The following FCER1G variants were observed in gnomAD, a reference collection of about 807,000 sequenced individuals.
FCER1G encodes the protein Fc epsilon receptor Ig, also known as high affinity immunoglobulin epsilon receptor subunit gamma.
Under a neutral mutation model 17.3 loss-of-function variants are expected in FCER1G, and 7 were observed. The observed-to-expected ratio is 0.40, with a 90% CI of 0.23 to 0.76. The LOEUF (loss-of-function observed/expected upper bound fraction) is 0.76, where lower values mean the gene tolerates loss of function less well. Among genes scored for constraint, FCER1G ranks in the 30% least tolerant of loss-of-function variants. The pLI, the probability that FCER1G is intolerant of heterozygous loss-of-function variation, is 0.35. For synonymous variants in FCER1G, 35 were observed against 38.7 expected, an observed-to-expected ratio of 0.90 and a Z score of 0.35; for missense variants, 87 against 97.7, an observed-to-expected ratio of 0.89 and a Z score of 0.46.
intron 3 of FCER1G, 49 bp from the exon 4 acceptor site, chr1:161,218,654 C>G (rs1453148003): frequency 8.1e-6 from 13 of 1,609,980 alleles, no homozygotes; most frequent in Non-Finnish European, 1.1e-5. Context: ...GCTGAGGGGC[C>G]CTGGAGAAAG....
intron 1 of FCER1G, among the ~76,000 whole-genome samples, chr1:161,216,419 T>TAGAGAGAG (rs1188468786): frequency 1.4e-5 from 2 of 142,486 alleles, no homozygotes; most frequent in East Asian, 4.7e-4. Flanking sequence ...CACATATATA[T>TAGAGAGAG]ATATATATAG....
At chr1:161,216,385 C>CACAT (rs1666049911) in intron 1 of FCER1G, among the ~76,000 whole-genome samples, 1 of 131,906 alleles carries the variant, frequency 7.6e-6, no homozygotes, top group African/African-American at 2.8e-5. Context: ...CATACACACA[C>CACAT]ACACACACAC....
intron 2 of FCER1G, 25 bp downstream of exon 2, chr1:161,218,102 G>A: frequency 6.3e-7 from 1 of 1,578,758 alleles, no homozygotes; most frequent in Non-Finnish European, 8.7e-7. Flanking sequence ...GGTGGGGTAA[G>A]GGCTGGAAGG....
In FCER1G at chr1:161,218,048, G is replaced by C; in HGVS notation, c.112G>C (p.Val38Leu). The stretch of plus-strand genomic sequence containing the variant: ...TGCCATCCTGTTTCTGTATGGAATT[G>C]TCCTCACCCTCCTCTACTGTCGACT... ...LDAILFLYGI[V>L]LTLLYCRLKI... Residue 38 changes from valine (V) to leucine (L), a missense_variant, in exon 2 of 5, where the codon GTC becomes CTC. Transcript: ENST00000289902. 1 of 1,613,904 alleles carries C rather than the reference G, an allele frequency of 6.2e-7. No individual in the cohort carries two copies. Among genetic ancestry groups the C allele is most frequent in the Non-Finnish European group, 8.5e-7 (1 of 1,179,878 alleles).
intron 1 of FCER1G, 45 bp from the exon 2 acceptor site, chr1:161,217,941 C>A (rs1558089909): frequency 1.5e-6 from 2 of 1,313,288 alleles, no homozygotes; most frequent in Non-Finnish European, 2.2e-6. Context: ...AGTACCAGAT[C>A]CTCCCTGATA....
Position 161,215,300 on chromosome 1 carries a change from A to T in FCER1G, c.-22A>T. The T allele has an allele frequency of 3.7e-6, 6 of 1,613,114 alleles. No individual in the cohort carries two copies. Among genetic ancestry groups the T allele is most frequent in the Non-Finnish European group, 5.1e-6 (6 of 1,179,234 alleles). On this transcript the variant is annotated 5_prime_UTR_variant, in exon 1 of 5. Coordinates refer to ENST00000289902, the MANE Select transcript of FCER1G (RefSeq NM_004106.2). ...GAGCACAGCTGCACAGTGCTGTCAG[A>T]ACGGCCGATCTCCAGCCCAAGATGA...
In FCER1G at chr1:161,218,040, A is replaced by G; in HGVS notation, c.104A>G (p.Tyr35Cys). ...CYILDAILFLYGIVLTLLYCR... is the reference protein window; with the variant it reads ...CYILDAILFLCGIVLTLLYCR... ...ATCCTGGATGCCATCCTGTTTCTGT[A>G]TGGAATTGTCCTCACCCTCCTCTAC... The change falls in exon 2 of 5, where the codon TAT becomes TGT. Residue 35 changes from tyrosine (Y) to cysteine (C), a missense_variant. Physicochemically the swap from Tyr to Cys is radical, Grantham distance 194 (BLOSUM62 -2). Coordinates refer to ENST00000289902, the MANE Select transcript of FCER1G (RefSeq NM_004106.2). The G allele has an allele frequency of 6.2e-7, 1 of 1,613,878 alleles. No homozygotes were observed. Among genetic ancestry groups the G allele is most frequent in the Non-Finnish European group, 8.5e-7 (1 of 1,179,926 alleles).
At chr1:161,217,921 C>T (rs1666080939) in intron 1 of FCER1G, 65 bp from the exon 2 acceptor site, 1 of 1,106,446 alleles carries the variant, frequency 9.0e-7, no homozygotes, top group Non-Finnish European at 1.4e-6. Flanking sequence ...CCCTTCCCTT[C>T]TCTCCTCTGA....
At chr1:161,216,523 C>T (rs4379692) in intron 1 of FCER1G, among the ~76,000 whole-genome samples, 43,830 of 151,306 alleles carry the variant, frequency 0.29, 6,547 homozygotes, top group East Asian at 0.41. Context: ...GACAAACAGA[C>T]GGGATTGCTG....
At chr1:161,215,936 A>T (rs545505008) in intron 1 of FCER1G, among the ~76,000 whole-genome samples, 1 of 151,948 alleles carries the variant, frequency 6.6e-6, no homozygotes, top group Non-Finnish European at 1.5e-5. Context: ...TGTTGGCCAC[A>T]TCGGTCTTGA....
intron 1 of FCER1G, among the ~76,000 whole-genome samples, chr1:161,215,660 T>C (rs1666021261): frequency 6.6e-6 from 1 of 152,100 alleles, no homozygotes; most frequent in South Asian, 2.1e-4. Flanking sequence ...TGGCGCAATC[T>C]CTACTCACTG....
intron 1 of FCER1G, 131 bp downstream of exon 1, chr1:161,215,501 G>C (rs1666015464): frequency 1.2e-6 from 1 of 805,558 alleles, no homozygotes; most frequent in East Asian, 2.5e-5. Flanking sequence ...GAGACCCTGA[G>C]GCTAGTCCTC....
At chr1:161,215,474 G>C in intron 1 of FCER1G, 104 bp downstream of exon 1, 1 of 1,017,726 alleles carries the variant, frequency 9.8e-7, no homozygotes, top group South Asian at 1.3e-5. Context: ...GGCTGACAGT[G>C]GGTAGGTGGG....
Position 161,218,004 on chromosome 1 carries a change from A to G in FCER1G, c.68A>G (p.Gln23Arg). ...VEQAAALGEPQLCYILDAILF... is the reference protein window; with the variant it reads ...VEQAAALGEPRLCYILDAILF... The stretch of plus-strand genomic sequence containing the variant: ...CCCTCAGCGGCCCTGGGAGAGCCTC[A>G]GCTCTGCTATATCCTGGATGCCATC... The change falls in exon 2 of 5, where the codon CAG (glutamine) becomes CGG (arginine). Residue 23 changes from glutamine (Q) to arginine (R), a missense_variant. Physicochemically the swap from Gln to Arg is conservative, Grantham distance 43. Transcript: ENST00000289902. 1 of 1,613,478 alleles carries G rather than the reference A, an allele frequency of 6.2e-7. No homozygotes were observed. The highest frequency in any genetic ancestry group is 8.5e-7 in the Non-Finnish European group (1 of 1,179,502).
chr1:161,216,152 T>A (rs1666040143), intron 1 of FCER1G, among the ~76,000 whole-genome samples: 1 of 151,822 alleles, frequency 6.6e-6, no homozygotes, highest in Non-Finnish European at 1.5e-5. Flanking sequence ...GGAGCTGATC[T>A]CTAGCTGGTT....
chr1:161,216,419 T>G (rs1430310591), intron 1 of FCER1G, among the ~76,000 whole-genome samples: 13 of 142,588 alleles, frequency 9.1e-5, no homozygotes, highest in East Asian at 7.1e-4. Flanking sequence ...CACATATATA[T>G]ATATATATAG....
Position 161,215,317 on chromosome 1 carries a change from C to T in FCER1G, c.-5C>T. The T allele has an allele frequency of 1.2e-6, 2 of 1,613,696 alleles. No individual in the cohort carries two copies. Among genetic ancestry groups the T allele is most frequent in the South Asian group, 2.2e-5 (2 of 91,076 alleles). ...GCTGTCAGAACGGCCGATCTCCAGC[C>T]CAAGATGATTCCAGCAGTGGTCTTG... is the stretch of plus-strand genomic sequence containing the variant. On this transcript the variant is annotated 5_prime_UTR_variant, in exon 1 of 5. Transcript: ENST00000289902.
chr1:161,218,160 A>G, intron 2 of FCER1G, 81 bp from the exon 3 acceptor site: 1 of 1,534,040 alleles, frequency 6.5e-7, no homozygotes, highest in Non-Finnish European at 9.0e-7. Context: ...AAGGAATAAA[A>G]GGGGATCCTC....
At chr1:161,216,411 C>CACACATATAT (rs1491150470) in intron 1 of FCER1G, among the ~76,000 whole-genome samples, 11 of 129,752 alleles carry the variant, frequency 8.5e-5, no homozygotes, top group Non-Finnish European at 1.6e-4. Context: ...CACACACACA[C>CACACATATAT]ATATATATAT....
Sources: allele counts gnomAD v4.1 joint callset (sites outside exome capture counted in the v4.1 genomes callset), GRCh38; gene constraint gnomAD v4.1.1; transcripts MANE v1.5; gene names NCBI Gene and HGNC (gene_info 2026-07-23, HGNC 2026-07-21).